KCNK17: variants seen among roughly 807,000 people sequenced by gnomAD.
The protein encoded by KCNK17 is potassium two pore domain channel subfamily K member 17.
In KCNK17, 27 loss-of-function variants were observed where a neutral mutation model predicts 24.6. The observed-to-expected ratio is 1.10, with a 90% CI of 0.81 to 1.51. The LOEUF (loss-of-function observed/expected upper bound fraction) is 1.51, where lower values mean the gene tolerates loss of function less well. Ranked by LOEUF, KCNK17 falls within the 40% of genes most tolerant of loss-of-function variation. The pLI is 0.00. For synonymous variants in KCNK17, 181 were observed against 189.8 expected, an observed-to-expected ratio of 0.95 and a Z score of 0.38; for missense variants, 450 against 436.6, an observed-to-expected ratio of 1.03 and a Z score of -0.27.
At chr6:39,302,843 G>A (rs1162635173) in intron 4 of KCNK17, among the ~76,000 whole-genome samples, 2 of 152,156 alleles carry the variant, frequency 1.3e-5, no homozygotes, top group South Asian at 2.1e-4. Flanking sequence ...CCAGAAGGGG[G>A]CAGTGTGAGG....
At position 39,299,141 on chromosome 6, in the gene KCNK17, A is replaced by G; in HGVS notation, c.*286T>C. ...GCCGCTCAAACATTGCCGCTACTTC[A>G]TGGTGCCGTATGGCTGCCAGAGCTC... On this transcript the variant is annotated 3_prime_UTR_variant, in exon 5 of 5. Transcript: ENST00000373231. 2.3e-6 allele frequency: 1 copy of G among 428,930 alleles called. No individual in the cohort carries two copies. Among genetic ancestry groups the G allele is most frequent in the Non-Finnish European group, 4.2e-6 (1 of 239,126 alleles). The allele number at this position is 428,930 out of a possible 1,614,324, so 26.6% of individuals were successfully genotyped here.
chr6:39,307,115 G>A (rs933417677), intron 2 of KCNK17, among the ~76,000 whole-genome samples: 1 of 151,850 alleles, frequency 6.6e-6, no homozygotes, highest in African/African-American at 2.4e-5. Context: ...TCTTTCTTTT[G>A]GCTTGACCTT....
intron 2 of KCNK17, among the ~76,000 whole-genome samples, chr6:39,305,716 C>G (rs1285216138): frequency 6.6e-6 from 1 of 152,174 alleles, no homozygotes; most frequent in African/African-American, 2.4e-5. Flanking sequence ...GGGGAAAGTC[C>G]AAGCTCTTGC....
chr6:39,313,814 A>G (rs1197000514), intron 1 of KCNK17, among the ~76,000 whole-genome samples: 1 of 151,788 alleles, frequency 6.6e-6, no homozygotes, highest in Non-Finnish European at 1.5e-5. Flanking sequence ...TCACCGGGCC[A>G]GCATGCCCTC....
In KCNK17 at chr6:39,304,489, C is replaced by T. The variant is rs1762000850; in HGVS notation, c.513+6G>A. On this transcript the variant is annotated splice_donor_region_variant and intron_variant, in intron 3 of 4. Coordinates refer to ENST00000373231, the MANE Select transcript of KCNK17 (RefSeq NM_031460.4). ...CCATCCCCACCCCGTCCAGCAGCCC[C>T]CTCACCTGCCAGGTGCCCCCCAGCC... 6.8e-6 allele frequency: 11 copies of T among 1,610,686 alleles called. No individual in the cohort carries two copies. The highest frequency in any genetic ancestry group is 8.5e-6 in the Non-Finnish European group (10 of 1,177,152).
intron 2 of KCNK17, among the ~76,000 whole-genome samples, chr6:39,305,964 T>A (rs1287916188): frequency 3.3e-5 from 5 of 152,044 alleles, no homozygotes; most frequent in Non-Finnish European, 7.4e-5. Flanking sequence ...TTGCACTGTG[T>A]GAGAAAGATT....
intron 4 of KCNK17, among the ~76,000 whole-genome samples, chr6:39,303,608 A>G (rs1204943517): frequency 6.6e-6 from 1 of 152,140 alleles, no homozygotes; most frequent in Non-Finnish European, 1.5e-5. Context: ...CTCCAGCCCC[A>G]GAGAAGTGGG....
chr6:39,304,615 G>C lies in KCNK17; in HGVS notation c.393C>G (p.Leu131=), dbSNP rs1762005076. The part of the protein sequence containing the change: ...NLSPNTMAAR[L]FCIFFALVGI... ...CCACAAGGGCAAAGAAGATGCAGAA[G>C]AGGCGGGCAGCCATCGTGTTGGGGC... The change falls in exon 3 of 5, where the codon CTC becomes CTG. Residue 131 remains leucine, a synonymous_variant. Coordinates refer to ENST00000373231, the MANE Select transcript of KCNK17 (RefSeq NM_031460.4). 1 of 1,613,762 alleles carries C rather than the reference G, an allele frequency of 6.2e-7. No individual in the cohort carries two copies.
At chr6:39,311,083 C>T in intron 1 of KCNK17, 76 bp from the exon 2 acceptor site, 2 of 370,842 alleles carry the variant, frequency 5.4e-6, no homozygotes. Flanking sequence ...CACACACACA[C>T]ACACACACAC....
At chr6:39,312,302 A>AAAG (rs144225973) in intron 1 of KCNK17, among the ~76,000 whole-genome samples, 2,742 of 152,194 alleles carry the variant, frequency 0.018, 72 homozygotes, top group African/African-American at 0.057. Context: ...TGGTGCTCAG[A>AAAG]AAGATCTGGG....
rs142895740 is a variant in KCNK17, at chr6:39,299,491, G to T, written c.935C>A (p.Pro312His). The change falls in exon 5 of 5, where the codon CCC (proline) becomes CAC (histidine). Residue 312 changes from proline to histidine, a missense_variant. Transcript: ENST00000373231. Reference protein sequence around the residue: ...SPQQGCYPEGPMGIIQHLEPS... With the variant: ...SPQQGCYPEGHMGIIQHLEPS... ...TTCCAGATGCTGTATGATTCCCATG[G>T]GTCCCTCTGGATAGCATCCTTGCTG... 1.0e-3 allele frequency: 1,681 copies of T among 1,614,180 alleles called. 20 individuals carry two copies. In the East Asian group the frequency reaches 0.026, roughly 25 times the overall value.
intron 1 of KCNK17, among the ~76,000 whole-genome samples, chr6:39,311,819 G>A (rs1762145766): frequency 6.6e-6 from 1 of 152,182 alleles, no homozygotes; most frequent in African/African-American, 2.4e-5. Context: ...AGATGGGACA[G>A]CAGTGCAGAA....
At chr6:39,302,789 A>G (rs1372392284) in intron 4 of KCNK17, among the ~76,000 whole-genome samples, 1 of 152,202 alleles carries the variant, frequency 6.6e-6, no homozygotes, top group African/African-American at 2.4e-5. Context: ...AATCTTCCCA[A>G]GAATTTCCTT....
At position 39,304,090 on chromosome 6, in the gene KCNK17, G is replaced by C; in HGVS notation, c.555C>G (p.Leu185=). The change falls in exon 4 of 5, where the codon CTC becomes CTG. Residue 185 remains leucine (L), a synonymous_variant. Transcript: ENST00000373231. ...GCAGGAAGAGCAGGAGGCCCGAGAGGAGGGCGCCAGAGCCCGCCAGCCACC... is the reference window on the plus strand; with the variant it reads ...GCAGGAAGAGCAGGAGGCCCGAGAGCAGGGCGCCAGAGCCCGCCAGCCACC... The part of the protein sequence containing the change: ...KARWLAGSGA[L]LSGLLLFLLL... 1 of 1,611,886 alleles carries C rather than the reference G, an allele frequency of 6.2e-7. No homozygotes were observed.
At chr6:39,310,705 G>A (rs939076068) in intron 2 of KCNK17, among the ~76,000 whole-genome samples, 188 bp downstream of exon 2, 13 of 152,188 alleles carry the variant, frequency 8.5e-5, no homozygotes, top group African/African-American at 3.1e-4. Flanking sequence ...GTGAGATGCT[G>A]AGGCTGAGTC....
rs748983052 is a variant in KCNK17, at chr6:39,299,465, G to A, written c.961C>T (p.Pro321Ser). 1.2e-6 allele frequency: 2 copies of A among 1,614,028 alleles called. No homozygotes were observed. ...CCACAGCCTGCAGCGTGAGCAGAAG[G>A]TTCCAGATGCTGTATGATTCCCATG... ...GPMGIIQHLE[P>S]SAHAAGCGKD... The change falls in exon 5 of 5, where the codon CCT becomes TCT. Residue 321 changes from proline to serine, a missense_variant. Transcript: ENST00000373231.
In KCNK17 at chr6:39,304,098, C is replaced by T. The variant is rs767795665; in HGVS notation, c.547G>A (p.Gly183Ser). The change falls in exon 4 of 5, where the codon GGC becomes AGC. Residue 183 changes from glycine to serine, a missense_variant. Transcript: ENST00000373231. ...PDKARWLAGS[G>S]ALLSGLLLFL... ...AGCAGGAGGCCCGAGAGGAGGGCGC[C>T]AGAGCCCGCCAGCCACCGCGCCTTG... 6.2e-7 allele frequency: 1 copy of T among 1,610,908 alleles called. No homozygotes were observed. Among genetic ancestry groups the T allele is most frequent in the Non-Finnish European group, 8.5e-7 (1 of 1,179,868 alleles).
Position 39,311,120 on chromosome 6 carries a change from A to AC in KCNK17, c.238-114_238-113insG, listed in dbSNP as rs1491573879. On this transcript the variant is annotated intron_variant, in intron 1 of 4. Transcript: ENST00000373231. Reference sequence around the variant, plus strand: ...CACACACACACACACACACACACACAAACAAACCTACACACACAGCCCTCA... The same window carrying AC: ...CACACACACACACACACACACACACACAACAAACCTACACACACAGCCCTCA... 29 of 558,546 alleles carry AC rather than the reference A, an allele frequency of 5.2e-5. 2 individuals carry two copies. The highest frequency in any genetic ancestry group is 4.9e-4 in the African/African-American group (20 of 40,994). 34.6% of individuals were successfully genotyped at this position (558,546 alleles called of 1,614,324 possible).
intron 1 of KCNK17, among the ~76,000 whole-genome samples, chr6:39,312,792 T>C (rs917884325): frequency 6.6e-6 from 1 of 152,210 alleles, no homozygotes; most frequent in Non-Finnish European, 1.5e-5. Flanking sequence ...GCAAGGGTAA[T>C]GGCAGGCAGC....
Sources: allele counts gnomAD v4.1 joint callset (sites outside exome capture counted in the v4.1 genomes callset), GRCh38; gene constraint gnomAD v4.1.1; transcripts MANE v1.5; gene names NCBI Gene and HGNC (gene_info 2026-07-23, HGNC 2026-07-21).